Variants in KSR2 observed in about 807,000 individuals in gnomAD.
KSR2 encodes kinase suppressor of ras 2.
A neutral mutation model predicts 107.8 loss-of-function variants in KSR2; 25 were observed. The observed-to-expected ratio is 0.23, with a 90% CI of 0.17 to 0.32. The LOEUF (loss-of-function observed/expected upper bound fraction) is 0.32, where lower values mean the gene tolerates loss of function less well. Ranked by LOEUF, KSR2 falls within the 10% of genes least tolerant of loss-of-function variation. The probability of loss-of-function intolerance (pLI) is 1.00; values close to 1 mark genes in which losing one functional copy is unlikely to be tolerated. For missense variants in KSR2, 887 were observed against 1,268.9 expected, an observed-to-expected ratio of 0.70 and a Z score of 4.57; for synonymous variants, 480 against 507.0, an observed-to-expected ratio of 0.95 and a Z score of 0.71.
intron 1 of KSR2, among the ~76,000 whole-genome samples, chr12:117,932,975 C>T (rs564639887): frequency 9.3e-5 from 14 of 150,890 alleles, no homozygotes; most frequent in African/African-American, 3.2e-4. Flanking sequence ...ATAGTGCCAT[C>T]GCACTCCAGC....
chr12:117,837,580 C>A (rs562861344), intron 3 of KSR2, among the ~76,000 whole-genome samples: 11 of 152,076 alleles, frequency 7.2e-5, no homozygotes. Flanking sequence ...AACAATGCAG[C>A]CCTGACGCTC....
chr12:117,652,800 G>C (rs1300784663), intron 5 of KSR2, among the ~76,000 whole-genome samples: 1 of 152,140 alleles, frequency 6.6e-6, no homozygotes, highest in African/African-American at 2.4e-5. Flanking sequence ...GGAGCTTATG[G>C]AGGTCAGGTA....
chr12:117,771,728 G>A (rs1889457824), intron 3 of KSR2, among the ~76,000 whole-genome samples: 1 of 152,066 alleles, frequency 6.6e-6, no homozygotes, highest in Non-Finnish European at 1.5e-5. Context: ...ACAGGTCATG[G>A]CTAAAGTCTT....
At chr12:117,669,896 T>C (rs1283565069) in intron 4 of KSR2, among the ~76,000 whole-genome samples, 7 of 151,920 alleles carry the variant, frequency 4.6e-5, no homozygotes, top group Non-Finnish European at 8.8e-5. Context: ...AATAATAAAA[T>C]TTAAAAATGA....
At position 117,459,842 on chromosome 12, in the gene KSR2, G is replaced by A. The variant is rs1870804570; in HGVS notation, c.*7357C>T. The A allele has an allele frequency of 1.3e-5, 2 of 152,200 alleles. No individual in the cohort carries two copies. The highest frequency in any genetic ancestry group is 2.9e-5 in the Non-Finnish European group (2 of 68,042). The allele number at this position is 152,200 out of a possible 1,614,324, so 9.4% of individuals were successfully genotyped here. A position where few individuals can be genotyped will look rare whatever the true frequency, so the allele number is the denominator to read the frequency against. ...CCTAGCAGTGTCTATGAATGCTAGT[G>A]GTCAGCTCTTTTCTGTGGGCCAGTA... On this transcript the variant is annotated 3_prime_UTR_variant, in exon 20 of 20. Coordinates refer to ENST00000339824, the MANE Select transcript of KSR2 (RefSeq NM_173598.6).
intron 1 of KSR2, among the ~76,000 whole-genome samples, chr12:117,895,659 T>C (rs947027868): frequency 1.3e-5 from 2 of 152,202 alleles, no homozygotes; most frequent in Non-Finnish European, 2.9e-5. Flanking sequence ...GGAGCTGCTG[T>C]GGAAACGTTT....
chr12:117,511,763 C>A (rs1430543231), intron 14 of KSR2, among the ~76,000 whole-genome samples: 1 of 152,124 alleles, frequency 6.6e-6, no homozygotes, highest in Non-Finnish European at 1.5e-5. Context: ...ACTTCCCTTC[C>A]GTATTTTTAA....
At chr12:117,844,098 A>G (rs1273889421) in intron 3 of KSR2, among the ~76,000 whole-genome samples, 1 of 152,162 alleles carries the variant, frequency 6.6e-6, no homozygotes, top group Non-Finnish European at 1.5e-5. Flanking sequence ...TTCCAGAACT[A>G]GCAGCCTCCA....
At chr12:117,938,034 G>T (rs1305819808) in intron 1 of KSR2, among the ~76,000 whole-genome samples, 8 of 149,032 alleles carry the variant, frequency 5.4e-5, no homozygotes, top group Non-Finnish European at 1.0e-4. Context: ...GACTTCATTT[G>T]GTTCCTCAAA....
At chr12:117,916,202 T>C (rs1895169357) in intron 1 of KSR2, among the ~76,000 whole-genome samples, 1 of 147,512 alleles carries the variant, frequency 6.8e-6, no homozygotes, top group Non-Finnish European at 1.5e-5. Context: ...ATTGGCGCGA[T>C]CTCAGCTCAC....
intron 4 of KSR2, among the ~76,000 whole-genome samples, chr12:117,705,654 C>G (rs1886493997): frequency 6.6e-6 from 1 of 152,226 alleles, no homozygotes; most frequent in Admixed American, 6.5e-5. Context: ...TCCCCAGAAA[C>G]CAGGCTTGTA....
At chr12:117,849,752 G>C (rs184585539) in intron 3 of KSR2, among the ~76,000 whole-genome samples, 1 of 152,298 alleles carries the variant, frequency 6.6e-6, no homozygotes, top group African/African-American at 2.4e-5. Flanking sequence ...GACAGGGACA[G>C]AGAGAGAGAA....
At chr12:117,704,803 G>C (rs1043117795) in intron 4 of KSR2, among the ~76,000 whole-genome samples, 1 of 151,320 alleles carries the variant, frequency 6.6e-6, no homozygotes, top group Admixed American at 6.6e-5. Context: ...AGGTTGTAGT[G>C]AGCCAAGATT....
chr12:117,610,596 C>T (rs541227997), intron 5 of KSR2, among the ~76,000 whole-genome samples: 4 of 152,020 alleles, frequency 2.6e-5, no homozygotes, highest in Admixed American at 2.6e-4. Flanking sequence ...AAAATTTAGC[C>T]TGGCATGGTG....
chr12:117,476,267 G>A (rs1390254256), intron 17 of KSR2, among the ~76,000 whole-genome samples, 197 bp downstream of exon 17: 2 of 152,170 alleles, frequency 1.3e-5, no homozygotes, highest in Admixed American at 6.5e-5. Flanking sequence ...TAATCCATTA[G>A]AAACCAGACA....
chr12:117,711,573 T>C (rs1479024452), intron 4 of KSR2, among the ~76,000 whole-genome samples: 1 of 152,174 alleles, frequency 6.6e-6, no homozygotes, highest in Admixed American at 6.5e-5. Flanking sequence ...GAGGTGAAAT[T>C]GACAGGCCTT....
At chr12:117,629,352 G>A in intron 5 of KSR2, among the ~76,000 whole-genome samples, 1 of 152,126 alleles carries the variant, frequency 6.6e-6, no homozygotes, top group East Asian at 1.9e-4. Flanking sequence ...TATGCCTTTG[G>A]TTTATGTCAG....
At chr12:117,841,424 G>A (rs1892471027) in intron 3 of KSR2, among the ~76,000 whole-genome samples, 1 of 152,144 alleles carries the variant, frequency 6.6e-6, no homozygotes. Context: ...CTGTGAAACT[G>A]GGCGTGCAGC....
intron 2 of KSR2, among the ~76,000 whole-genome samples, chr12:117,859,271 G>C (rs768057006): frequency 6.9e-6 from 1 of 145,834 alleles, no homozygotes; most frequent in African/African-American, 2.5e-5. Flanking sequence ...TCAGCCTCCC[G>C]AGTAGCTGGG....
Sources: gnomAD v4.1 joint callset for allele counts (sites outside exome capture counted in the v4.1 genomes callset) on GRCh38, gnomAD v4.1.1 for gene constraint, MANE v1.5 for transcripts, NCBI Gene and HGNC (gene_info 2026-07-23, HGNC 2026-07-21) for gene names.